C2CD5: variants seen among roughly 807,000 people sequenced by gnomAD.
C2CD5 encodes C2 domain-containing protein 5.
C2CD5 carries 109 observed loss-of-function variants against 130.3 expected under a neutral mutation model. That is an observed-to-expected ratio of 0.84 (90% CI 0.72 to 0.98). C2CD5 has a LOEUF of 0.98. Among genes scored for constraint, C2CD5 ranks in the 50% least tolerant of loss-of-function variants. The pLI, the probability that C2CD5 is intolerant of heterozygous loss-of-function variation, is 0.00. For synonymous variants in C2CD5, 454 were observed against 429.2 expected (o/e 1.06, Z -0.71); for missense variants, 996 against 1,261.8 (o/e 0.79, Z 3.19).
In C2CD5 at chr12:22,480,491, A is replaced by G. The variant is rs532370591; in HGVS notation, c.1738-2014T>C. On this transcript the variant is annotated intron_variant, in intron 14 of 26. Transcript: ENST00000446597. ...GTGGTAGTTAACAGCACTAGTGATC[A>G]AGAAGGAAAGAAAAGATTAGTATGA... 5.9e-5 allele frequency among the ~76,000 whole-genome samples: 9 copies of G among 152,386 alleles called. No homozygotes were observed. The East Asian group carries it at 1.7e-3, about 29-fold the overall frequency.
At chr12:22,525,321 G>A (rs541383558) in intron 5 of C2CD5, among the ~76,000 whole-genome samples, 3 of 152,134 alleles carry the variant, frequency 2.0e-5, no homozygotes, top group African/African-American at 7.2e-5. Context: ...TTTTGGGACA[G>A]CACCATAGTG....
intron 2 of C2CD5, 54 bp from the exon 3 acceptor site, chr12:22,535,398 G>A: frequency 2.1e-6 from 2 of 966,812 alleles, no homozygotes; most frequent in Non-Finnish European, 3.3e-6. Context: ...GTGAATAAAA[G>A]TAAATTTTAA....
intron 2 of C2CD5, among the ~76,000 whole-genome samples, chr12:22,542,902 T>C (rs1952539980): frequency 6.6e-6 from 1 of 152,218 alleles, no homozygotes; most frequent in African/African-American, 2.4e-5. Context: ...ACACGTTACC[T>C]ATTAGTTATT....
intron 6 of C2CD5, 35 bp downstream of exon 6, chr12:22,524,437 A>T: frequency 6.3e-7 from 1 of 1,592,866 alleles, no homozygotes; most frequent in Non-Finnish European, 8.6e-7. Flanking sequence ...GAGAGTACTA[A>T]ATCAGTCAGT....
At position 22,450,181 on chromosome 12, in the gene C2CD5, A is replaced by C. The variant is rs1264757645; in HGVS notation, c.3025-290T>G. Among the ~76,000 whole-genome samples the C allele has an allele frequency of 3.9e-5, 6 of 152,288 alleles. No individual in the cohort carries two copies. The East Asian group carries it at 1.2e-3, about 29-fold the overall frequency. On this transcript the variant is annotated intron_variant, in intron 26 of 26. Coordinates refer to ENST00000446597, the MANE Select transcript of C2CD5 (RefSeq NM_001286176.2). Reference sequence around the variant, plus strand: ...ATATATACTGGCAAAAAAATGTAAAAGTTGGATGTTACCAAGTGTTAACAA... The same window carrying C: ...ATATATACTGGCAAAAAAATGTAAACGTTGGATGTTACCAAGTGTTAACAA...
At position 22,474,906 on chromosome 12, in the gene C2CD5, A is replaced by T; in HGVS notation, c.1903-15T>A. 1 of 1,525,620 alleles carries T rather than the reference A, an allele frequency of 6.6e-7. No individual in the cohort carries two copies. 94.5% of individuals were successfully genotyped at this position (1,525,620 alleles called of 1,614,324 possible). A position where few individuals can be genotyped will look rare whatever the true frequency, so the allele number is the denominator to read the frequency against. On this transcript the variant is annotated splice_polypyrimidine_tract_variant and intron_variant, in intron 15 of 26. Coordinates refer to ENST00000446597, the MANE Select transcript of C2CD5 (RefSeq NM_001286176.2). ...TCAGATATCTCCTAAAAGAAATATA[A>T]TTGTTTTATATCATATGAGATTGTC...
chr12:22,523,890 A>G (rs1468816781), intron 6 of C2CD5, among the ~76,000 whole-genome samples: 1 of 151,144 alleles, frequency 6.6e-6, no homozygotes, highest in African/African-American at 2.5e-5. Flanking sequence ...CTATATAAAT[A>G]TAACATTGAT....
intron 10 of C2CD5, among the ~76,000 whole-genome samples, chr12:22,493,779 T>C (rs555408704): frequency 2.0e-5 from 3 of 152,142 alleles, no homozygotes; most frequent in South Asian, 2.1e-4. Flanking sequence ...CTCACTATAT[T>C]GTGGGTTCTT....
intron 2 of C2CD5, among the ~76,000 whole-genome samples, chr12:22,539,179 G>A (rs1952104090): frequency 6.6e-6 from 1 of 151,940 alleles, no homozygotes; most frequent in South Asian, 2.1e-4. Flanking sequence ...TACAGGATGG[G>A]ATTCCACCCT....
chr12:22,453,903 T>C lies in C2CD5; in HGVS notation c.3017A>G (p.Lys1006Arg). 1 of 1,611,170 alleles carries C rather than the reference T, an allele frequency of 6.2e-7. No individual in the cohort carries two copies. Among genetic ancestry groups the C allele is most frequent in the Non-Finnish European group, 8.5e-7 (1 of 1,178,856 alleles). The change falls in exon 26 of 27, where the codon AAA becomes AGA. Residue 1006 changes from lysine to arginine, a missense_variant. Physicochemically the swap from Lys to Arg is conservative, Grantham distance 26. This residue lies in a region of C2CD5 where 51 missense variants were observed against 99.5 expected (regional missense o/e 0.51). Coordinates refer to ENST00000446597, the MANE Select transcript of C2CD5 (RefSeq NM_001286176.2). ...TTTTTAACTGCATCTTACCTGGTTT[T>C]TATTTGGATTCTCCATGAAGACACA... ...KQCVFMENPN[K>R]NQAQCLINVS...
intron 12 of C2CD5, among the ~76,000 whole-genome samples, chr12:22,489,086 G>A (rs1038610243): frequency 1.2e-4 from 18 of 151,782 alleles, no homozygotes; most frequent in African/African-American, 4.4e-4. Context: ...ATGTTGGCCA[G>A]GCTGGTCTCA....
At chr12:22,466,345 G>T (rs1942071767) in intron 22 of C2CD5, among the ~76,000 whole-genome samples, 1 of 150,040 alleles carries the variant, frequency 6.7e-6, no homozygotes, top group South Asian at 2.1e-4. Flanking sequence ...TTAACAAAAT[G>T]ATTAAAAAAC....
At chr12:22,494,914 A>T (rs570731161) in intron 10 of C2CD5, among the ~76,000 whole-genome samples, 3 of 152,002 alleles carry the variant, frequency 2.0e-5, no homozygotes, top group Admixed American at 1.3e-4. Flanking sequence ...TAAGACATAC[A>T]CACTTACGGA....
At chr12:22,482,479 G>A in intron 14 of C2CD5, 78 bp downstream of exon 14, 1 of 1,219,932 alleles carries the variant, frequency 8.2e-7, no homozygotes, top group Non-Finnish European at 1.2e-6. Context: ...CCTTTGAAAA[G>A]ACTATTTGAA....
rs1174043443 is a variant in C2CD5, at chr12:22,527,338, T to A, written c.349+383A>T. Among the ~76,000 whole-genome samples the A allele has an allele frequency of 1.7e-3, 245 of 145,394 alleles. 1 individual carries two copies. Among genetic ancestry groups the A allele is most frequent in the African/African-American group, 5.9e-3 (229 of 38,598 alleles). On this transcript the variant is annotated intron_variant, in intron 4 of 26. Transcript: ENST00000446597. ...TATACATATATATATATATTTTTTTTTTTTTTTTTTGAGCTAGAGTTTCAC... is the reference window on the plus strand; with the variant it reads ...TATACATATATATATATATTTTTTTATTTTTTTTTTGAGCTAGAGTTTCAC...
At chr12:22,471,732 C>T (rs1408978586) in intron 19 of C2CD5, among the ~76,000 whole-genome samples, 1 of 151,758 alleles carries the variant, frequency 6.6e-6, no homozygotes, top group Admixed American at 6.6e-5. Context: ...TACACATATA[C>T]ACTAGATTTT....
At chr12:22,496,819 G>C (rs1947081790) in intron 10 of C2CD5, among the ~76,000 whole-genome samples, 1 of 151,842 alleles carries the variant, frequency 6.6e-6, no homozygotes, top group Non-Finnish European at 1.5e-5. Flanking sequence ...CATGAACTGA[G>C]CACTAAATCA....
chr12:22,489,722 C>G (rs1231914668), intron 12 of C2CD5, among the ~76,000 whole-genome samples: 1 of 151,998 alleles, frequency 6.6e-6, no homozygotes. Context: ...AGTACTTTTA[C>G]TATTTTGTAA....
chr12:22,474,750 C>A lies in C2CD5; in HGVS notation c.2043+1G>T. ...AAGAAATTAGTCCAATGCCACATTACCTCCAAAACAAAAGCATCTTTTTTC... is the reference window on the plus strand; with the variant it reads ...AAGAAATTAGTCCAATGCCACATTAACTCCAAAACAAAAGCATCTTTTTTC... On this transcript the variant is annotated splice_donor_variant, in intron 16 of 26. Transcript: ENST00000446597. LOFTEE classifies it high-confidence loss of function. 6.3e-7 allele frequency: 1 copy of A among 1,593,510 alleles called. No homozygotes were observed. Among genetic ancestry groups the A allele is most frequent in the Non-Finnish European group, 8.5e-7 (1 of 1,171,134 alleles).
Sources: gnomAD v4.1 joint callset for allele counts (sites outside exome capture counted in the v4.1 genomes callset) on GRCh38, gnomAD v4.1.1 for gene constraint, gnomAD v4.1.1 regional missense constraint, MANE v1.5 for transcripts, NCBI Gene and HGNC (gene_info 2026-07-23, HGNC 2026-07-21) for gene names.